The following SLC5A8 variants were observed in gnomAD, a reference collection of about 807,000 sequenced individuals.
The protein encoded by SLC5A8 is solute carrier family 5 member 8.
SLC5A8 carries 55 observed loss-of-function variants against 71.9 expected under a neutral mutation model. That is an observed-to-expected ratio of 0.77 (90% CI 0.62 to 0.96). SLC5A8 has a LOEUF of 0.96. SLC5A8 is among the 40% of genes least tolerant of loss of function. SLC5A8 has a pLI of 0.00. For synonymous variants in SLC5A8, 307 were observed against 276.1 expected, an observed-to-expected ratio of 1.11 and a Z score of -1.11; for missense variants, 701 against 745.3, an observed-to-expected ratio of 0.94 and a Z score of 0.69.
At chr12:101,160,501 CACA>C (rs2051714103) in intron 13 of SLC5A8, among the ~76,000 whole-genome samples, 1 of 152,102 alleles carries the variant, frequency 6.6e-6, no homozygotes, top group South Asian at 2.1e-4. Flanking sequence ...CATCCTTGAA[CACA>C]ACTAGTTGTA....
intron 6 of SLC5A8, among the ~76,000 whole-genome samples, chr12:101,189,230 ACTACT>A (rs1345445281): frequency 2.0e-5 from 3 of 152,142 alleles, no homozygotes; most frequent in African/African-American, 4.8e-5. Context: ...AGTACAATAG[ACTACT>A]CTATCTATAA....
chr12:101,180,538 T>C (rs1771580758), intron 9 of SLC5A8, among the ~76,000 whole-genome samples: 1 of 152,220 alleles, frequency 6.6e-6, no homozygotes, highest in Non-Finnish European at 1.5e-5. Flanking sequence ...CTTCTGACTT[T>C]AAGCATTCAT....
intron 2 of SLC5A8, 86 bp downstream of exon 2, chr12:101,204,414 T>A: frequency 1.7e-6 from 2 of 1,160,250 alleles, no homozygotes; most frequent in Non-Finnish European, 2.5e-6. Flanking sequence ...TTGTCTTTTA[T>A]GTGATTCCCA....
At chr12:101,189,707 T>C (rs189580835) in intron 6 of SLC5A8, among the ~76,000 whole-genome samples, 1 of 152,208 alleles carries the variant, frequency 6.6e-6, no homozygotes, top group African/African-American at 2.4e-5. Context: ...TCCAAATCAC[T>C]CCACCTACCT....
At chr12:101,173,504 C>T (rs977181366) in intron 10 of SLC5A8, among the ~76,000 whole-genome samples, 2 of 152,196 alleles carry the variant, frequency 1.3e-5, no homozygotes, top group Admixed American at 6.5e-5. Flanking sequence ...GGCTCTGGAT[C>T]GACCAGGCAG....
chr12:101,190,055 C>T (rs1054076266), intron 6 of SLC5A8, among the ~76,000 whole-genome samples: 1 of 152,116 alleles, frequency 6.6e-6, no homozygotes, highest in African/African-American at 2.4e-5. Context: ...AAATATAAAG[C>T]ACTATATGTA....
chr12:101,160,047 T>C (rs895552648), intron 13 of SLC5A8, among the ~76,000 whole-genome samples: 10 of 152,202 alleles, frequency 6.6e-5, no homozygotes, highest in African/African-American at 2.4e-4. Flanking sequence ...CCGGGCGTGG[T>C]GGTGCGTGCC....
chr12:101,205,672 C>T (rs1593386932), intron 1 of SLC5A8, among the ~76,000 whole-genome samples: 1 of 152,208 alleles, frequency 6.6e-6, no homozygotes, highest in East Asian at 1.9e-4. Flanking sequence ...GCATGGTCCT[C>T]CCAACAACTC....
chr12:101,165,787 G>A lies in SLC5A8; in HGVS notation c.1526+707C>T, dbSNP rs1171359022. ...GTCATTCCAGATAAGCTGGCACTGGGGCAATACTCTAGGGGCAATGGCATC... is the reference window on the plus strand; with the variant it reads ...GTCATTCCAGATAAGCTGGCACTGGAGCAATACTCTAGGGGCAATGGCATC... On this transcript the variant is annotated intron_variant, in intron 12 of 14. Transcript: ENST00000536262. 3.3e-5 allele frequency among the ~76,000 whole-genome samples: 5 copies of A among 152,244 alleles called. No individual in the cohort carries two copies. In the East Asian group the frequency reaches 7.7e-4, roughly 23 times the overall value.
Position 101,155,898 on chromosome 12 carries a change from A to G in SLC5A8, c.*1381T>C, listed in dbSNP as rs151222884. ...ACACGTATCAGAAAATAAGCATAAA[A>G]TTATTTAATCATAAAAACATTTGTA... On this transcript the variant is annotated 3_prime_UTR_variant, in exon 15 of 15. Coordinates refer to ENST00000536262, the MANE Select transcript of SLC5A8 (RefSeq NM_145913.5). 4.5e-3 allele frequency: 687 copies of G among 152,020 alleles called. 7 individuals are homozygous for G. Among genetic ancestry groups the G allele is most frequent in the African/African-American group, 0.016 (661 of 41,472 alleles). The allele number at this position is 152,020 out of a possible 1,614,324, so 9.4% of individuals were successfully genotyped here.
At chr12:101,198,321 GA>G (rs1869283326) in intron 3 of SLC5A8, among the ~76,000 whole-genome samples, 1 of 151,632 alleles carries the variant, frequency 6.6e-6, no homozygotes, top group African/African-American at 2.4e-5. Flanking sequence ...TAATGAAATA[GA>G]AAACAAAGAA....
In SLC5A8 at chr12:101,182,825, C is replaced by G. The variant is rs371072151; in HGVS notation, c.1143G>C (p.Leu381=). 4.2e-5 allele frequency: 67 copies of G among 1,589,372 alleles called. No individual in the cohort carries two copies. Among genetic ancestry groups the G allele is most frequent in the Non-Finnish European group, 5.5e-5 (64 of 1,171,368 alleles). The change falls in exon 9 of 15, where the codon CTG becomes CTC. Residue 381 remains leucine, a synonymous_variant. Transcript: ENST00000536262. ...PYFRSLSERS[L]SWISQGMSVV... ...TACTCATTCCTTGGGAAATCCAAGACAGAGACCTTTCTGAGAGCGATCTGA... is the reference window on the plus strand; with the variant it reads ...TACTCATTCCTTGGGAAATCCAAGAGAGAGACCTTTCTGAGAGCGATCTGA...
Position 101,200,007 on chromosome 12 carries a change from A to G in SLC5A8, c.469+2157T>C, listed in dbSNP as rs773304538. On this transcript the variant is annotated intron_variant, in intron 3 of 14. Transcript: ENST00000536262. ...TAGAGGCATAAAATGAAGTACTACCAGCAAAAAAAAAAAAAAAAAAAAAAA... is the reference window on the plus strand; with the variant it reads ...TAGAGGCATAAAATGAAGTACTACCGGCAAAAAAAAAAAAAAAAAAAAAAA... Among the ~76,000 whole-genome samples the G allele has an allele frequency of 1.6e-4, 19 of 116,598 alleles. 1 individual carries two copies. Among genetic ancestry groups the G allele is most frequent in the Non-Finnish European group, 3.1e-4 (18 of 57,676 alleles). 76.5% of individuals were successfully genotyped at this position (116,598 alleles called of 152,430 possible).
At chr12:101,183,505 C>T (rs1370067746) in intron 8 of SLC5A8, among the ~76,000 whole-genome samples, 1 of 152,130 alleles carries the variant, frequency 6.6e-6, no homozygotes, top group Non-Finnish European at 1.5e-5. Context: ...AAAGAGTCTA[C>T]ATAGATTACT....
At chr12:101,178,246 C>A (rs769335916) in intron 10 of SLC5A8, among the ~76,000 whole-genome samples, 1 of 152,056 alleles carries the variant, frequency 6.6e-6, no homozygotes, top group Non-Finnish European at 1.5e-5. Context: ...GGATAAAAAG[C>A]TTTCAGGCTA....
intron 12 of SLC5A8, among the ~76,000 whole-genome samples, chr12:101,165,129 G>A (rs564145861): frequency 1.3e-4 from 20 of 152,078 alleles, no homozygotes; most frequent in Non-Finnish European, 2.4e-4. Flanking sequence ...TTTCTTCCAT[G>A]GATACTAAAT....
chr12:101,197,182 A>G (rs1869218288), intron 3 of SLC5A8, among the ~76,000 whole-genome samples: 1 of 152,248 alleles, frequency 6.6e-6, no homozygotes, highest in Non-Finnish European at 1.5e-5. Context: ...TCTGACATTT[A>G]TCCTCCCTTT....
At chr12:101,197,001 T>G (rs1214146257) in intron 3 of SLC5A8, among the ~76,000 whole-genome samples, 1 of 152,232 alleles carries the variant, frequency 6.6e-6, no homozygotes, top group African/African-American at 2.4e-5. Context: ...GGGCTCCGGC[T>G]GGATAAAAAT....
intron 4 of SLC5A8, 23 bp from the exon 5 acceptor site, chr12:101,193,802 G>A: frequency 2.5e-6 from 4 of 1,610,736 alleles, no homozygotes; most frequent in Non-Finnish European, 2.5e-6. Flanking sequence ...AGTATATTAG[G>A]ATTAATGCTT....
Sources: allele counts gnomAD v4.1 joint callset (sites outside exome capture counted in the v4.1 genomes callset), GRCh38; gene constraint gnomAD v4.1.1; transcripts MANE v1.5; gene names NCBI Gene and HGNC (gene_info 2026-07-23, HGNC 2026-07-21).